The following TTC39C variants were observed in gnomAD, a reference collection of about 807,000 sequenced individuals.
The protein encoded by TTC39C is tetratricopeptide repeat protein 39C.
TTC39C carries 33 observed loss-of-function variants against 76.3 expected under a neutral mutation model. That is an observed-to-expected ratio of 0.43 (90% CI 0.33 to 0.58). The LOEUF is 0.58. Ranked by LOEUF, TTC39C falls within the 20% of genes least tolerant of loss-of-function variation. The pLI is 0.04. For synonymous variants in TTC39C, 254 were observed against 260.6 expected, an observed-to-expected ratio of 0.97 and a Z score of 0.24; for missense variants, 595 against 701.4, an observed-to-expected ratio of 0.85 and a Z score of 1.71.
chr18:24,091,581 G>C (rs1021864942), intron 6 of TTC39C, among the ~76,000 whole-genome samples: 3 of 152,096 alleles, frequency 2.0e-5, no homozygotes, highest in Non-Finnish European at 4.4e-5. Flanking sequence ...TGGTTTCCTA[G>C]ACATGACACT....
intron 1 of TTC39C, among the ~76,000 whole-genome samples, chr18:24,004,298 A>G (rs527868464): frequency 6.6e-6 from 1 of 152,318 alleles, no homozygotes; most frequent in East Asian, 1.9e-4. Context: ...TATAGACAGC[A>G]GCATTCTCAT....
intron 1 of TTC39C, among the ~76,000 whole-genome samples, chr18:24,048,654 C>T (rs965176728): frequency 5.3e-5 from 8 of 152,058 alleles, no homozygotes; most frequent in South Asian, 2.1e-4. Flanking sequence ...TTTTATATAG[C>T]TTTGAGAAAA....
intron 7 of TTC39C, among the ~76,000 whole-genome samples, chr18:24,116,206 T>G (rs1209584605): frequency 6.6e-6 from 1 of 152,246 alleles, no homozygotes; most frequent in African/African-American, 2.4e-5. Context: ...CTCTATTTTG[T>G]ATTTAATTCC....
chr18:24,007,703 T>C (rs113789945), intron 1 of TTC39C, among the ~76,000 whole-genome samples: 7,805 of 152,302 alleles, frequency 0.051, 288 homozygotes, highest in Middle Eastern at 0.13. Context: ...TTTTTATACA[T>C]TCTGAAGAAA....
intron 6 of TTC39C, among the ~76,000 whole-genome samples, chr18:24,111,742 T>TA (rs905867117): frequency 4.0e-5 from 6 of 149,540 alleles, no homozygotes; most frequent in South Asian, 4.2e-4. Flanking sequence ...AAATATTAAT[T>TA]AAAAAAAAAC....
intron 6 of TTC39C, among the ~76,000 whole-genome samples, chr18:24,103,280 C>T (rs1369279189): frequency 3.3e-5 from 5 of 152,170 alleles, no homozygotes; most frequent in Non-Finnish European, 7.3e-5. Context: ...TTTACATTTG[C>T]TCAATACCTG....
intron 1 of TTC39C, 29 bp from the exon 2 acceptor site, chr18:24,064,111 T>G (rs756365153): frequency 2.0e-5 from 31 of 1,565,694 alleles, no homozygotes; most frequent in Non-Finnish European, 2.4e-5. Flanking sequence ...TAATTGTATT[T>G]TGTGTGTGTG....
intron 1 of TTC39C, among the ~76,000 whole-genome samples, chr18:24,035,660 T>C (rs141722104): frequency 2.2e-4 from 34 of 152,364 alleles, no homozygotes; most frequent in East Asian, 1.7e-3. Context: ...AAGAGTTCTT[T>C]ATGTATTCTG....
intron 1 of TTC39C, among the ~76,000 whole-genome samples, chr18:24,047,104 C>CT (rs35046545): frequency 1.3e-5 from 2 of 150,046 alleles, no homozygotes; most frequent in Admixed American, 6.6e-5. Context: ...CTTTTTTTTT[C>CT]TTTTTTTGAG....
intron 8 of TTC39C, among the ~76,000 whole-genome samples, chr18:24,118,678 G>C (rs543215446): frequency 1.6e-3 from 237 of 149,686 alleles, no homozygotes; most frequent in Non-Finnish European, 2.5e-3. Context: ...TTTGAGTCTG[G>C]GTCTTGCTCT....
At chr18:24,077,669 A>G (rs1344818484) in intron 4 of TTC39C, among the ~76,000 whole-genome samples, 1 of 152,196 alleles carries the variant, frequency 6.6e-6, no homozygotes, top group Non-Finnish European at 1.5e-5. Context: ...TAGCCAATCG[A>G]TATTTTTAGG....
rs1321547180 is a variant in TTC39C, at chr18:24,133,547, C to T, written c.*973C>T. ...TGACACATTACTTGAAAAGGTTATT[C>T]GTGAATGAACATAGATTTTGGCCTC... On this transcript the variant is annotated 3_prime_UTR_variant, in exon 14 of 14. Coordinates refer to ENST00000317571, the MANE Select transcript of TTC39C (RefSeq NM_001135993.2). 2 of 152,128 alleles carry T rather than the reference C, an allele frequency of 1.3e-5. No individual in the cohort carries two copies. Among genetic ancestry groups the T allele is most frequent in the African/African-American group, 2.4e-5 (1 of 41,416 alleles). The allele number at this position is 152,128 out of a possible 1,614,324, so 9.4% of individuals were successfully genotyped here. A position where few individuals can be genotyped will look rare whatever the true frequency, so the allele number is the denominator to read the frequency against.
chr18:24,133,329 G>A lies in TTC39C; in HGVS notation c.*755G>A, dbSNP rs993375656. 6.6e-6 allele frequency: 1 copy of A among 152,164 alleles called. No homozygotes were observed. The allele number at this position is 152,164 out of a possible 1,614,324, so 9.4% of individuals were successfully genotyped here. A position where few individuals can be genotyped will look rare whatever the true frequency, so the allele number is the denominator to read the frequency against. ...GATTGTCTACAGAATGTTTCAAAGC[G>A]ATGGACACTCTTTTTCCTTTGAAAG... On this transcript the variant is annotated 3_prime_UTR_variant, in exon 14 of 14. Coordinates refer to ENST00000317571, the MANE Select transcript of TTC39C (RefSeq NM_001135993.2).
chr18:24,114,756 A>G, intron 7 of TTC39C, 109 bp downstream of exon 7: 3 of 720,096 alleles, frequency 4.2e-6, no homozygotes, highest in South Asian at 3.4e-5. Context: ...TGCCTTCTGT[A>G]GTAAGAAGGA....
chr18:24,079,779 G>C (rs1235274084), intron 4 of TTC39C, among the ~76,000 whole-genome samples: 1 of 148,262 alleles, frequency 6.7e-6, no homozygotes, highest in Non-Finnish European at 1.5e-5. Flanking sequence ...CGCAATGCTT[G>C]GTGCTTGGGT....
At chr18:23,999,800 G>A (rs115387724) in intron 1 of TTC39C, among the ~76,000 whole-genome samples, 56 of 152,358 alleles carry the variant, frequency 3.7e-4, no homozygotes, top group African/African-American at 1.3e-3. Context: ...GGCAGATGGG[G>A]CTGAGCAAAT....
intron 7 of TTC39C, among the ~76,000 whole-genome samples, chr18:24,116,001 C>A (rs2084886679): frequency 6.6e-6 from 1 of 152,198 alleles, no homozygotes. Context: ...AATCACCCAA[C>A]CCAGGCCTTA....
At chr18:24,058,306 C>T (rs1471839754) in intron 1 of TTC39C, among the ~76,000 whole-genome samples, 2 of 152,096 alleles carry the variant, frequency 1.3e-5, no homozygotes, top group Non-Finnish European at 2.9e-5. Flanking sequence ...TACCACTGAA[C>T]CTAAAATTAA....
intron 6 of TTC39C, among the ~76,000 whole-genome samples, chr18:24,107,896 G>GGC (rs1555776829): frequency 2.0e-4 from 25 of 124,252 alleles, no homozygotes; most frequent in Admixed American, 1.4e-3. Context: ...GTAGGGGGGG[G>GGC]GGTACAGGCA....
Sources: gnomAD v4.1 joint callset for allele counts (sites outside exome capture counted in the v4.1 genomes callset) on GRCh38, gnomAD v4.1.1 for gene constraint, MANE v1.5 for transcripts, NCBI Gene and HGNC (gene_info 2026-07-23, HGNC 2026-07-21) for gene names.